The following MYOF variants were observed in gnomAD, a reference collection of about 807,000 sequenced individuals.
MYOF encodes fer-1-like 3, myoferlin.
A neutral mutation model predicts 284.2 loss-of-function variants in MYOF; 244 were observed. The ratio of observed to expected loss-of-function variants is 0.86; its 90% CI spans 0.77 to 0.95. MYOF has a LOEUF of 0.95. Ranked by LOEUF, MYOF falls within the 40% of genes least tolerant of loss-of-function variation. The pLI, the probability that MYOF is intolerant of heterozygous loss-of-function variation, is 0.00. For synonymous variants in MYOF, 904 were observed against 919.7 expected (o/e 0.98, Z 0.31); for missense variants, 2,496 against 2,560.6 (o/e 0.97, Z 0.54).
intron 38 of MYOF, among the ~76,000 whole-genome samples, chr10:93,342,711 A>G (rs369034953): frequency 3.9e-5 from 6 of 152,336 alleles, no homozygotes; most frequent in African/African-American, 1.4e-4. Flanking sequence ...GCATGTAATA[A>G]GAATTGACTG....
chr10:93,353,352 G>A lies in MYOF; in HGVS notation c.3481+459C>T, dbSNP rs1589432920. On this transcript the variant is annotated intron_variant, in intron 32 of 53. Transcript: ENST00000359263. ...ATGGTATTGGGAATGTGGGGAGCAG[G>A]CAGAGGAGGAGGTTAAAATGAACTC... Among the ~76,000 whole-genome samples the A allele has an allele frequency of 2.0e-5, 3 of 152,278 alleles. No homozygotes were observed. In the South Asian group the frequency reaches 6.2e-4, roughly 32 times the overall value.
chr10:93,391,570 G>A (rs1282090388), intron 17 of MYOF, among the ~76,000 whole-genome samples: 3 of 151,636 alleles, frequency 2.0e-5, no homozygotes, highest in African/African-American at 7.3e-5. Flanking sequence ...ACTCCAGCCT[G>A]GTTGACTGGA....
At chr10:93,332,250 T>A (rs1487572583) in intron 43 of MYOF, among the ~76,000 whole-genome samples, 1 of 148,256 alleles carries the variant, frequency 6.7e-6, no homozygotes, top group East Asian at 2.0e-4. Context: ...GGAGACGGAG[T>A]CTTGCTCTGT....
At chr10:93,411,440 C>T (rs558242887) in intron 5 of MYOF, among the ~76,000 whole-genome samples, 38 of 152,316 alleles carry the variant, frequency 2.5e-4, no homozygotes, top group African/African-American at 8.4e-4. Context: ...TAATCACCTC[C>T]CTAAAGGCCT....
At chr10:93,333,556 G>T (rs1487720463) in intron 42 of MYOF, among the ~76,000 whole-genome samples, 2 of 152,122 alleles carry the variant, frequency 1.3e-5, no homozygotes, top group African/African-American at 4.8e-5. Flanking sequence ...AAAATGAGAA[G>T]GATGAACCAG....
At chr10:93,316,583 C>G (rs547776080) in intron 50 of MYOF, 131 bp downstream of exon 50, 1 of 760,368 alleles carries the variant, frequency 1.3e-6, no homozygotes, top group African/African-American at 1.7e-5. Context: ...CTGGGTGTAT[C>G]CCCTGTCCCC....
chr10:93,344,219 G>A (rs765400357), intron 37 of MYOF, among the ~76,000 whole-genome samples: 19 of 152,212 alleles, frequency 1.2e-4, no homozygotes, highest in Non-Finnish European at 5.9e-5. Flanking sequence ...AAAAACAATT[G>A]TGTCAATACA....
In MYOF at chr10:93,369,785, TG is replaced by T. The variant is rs1406436342; in HGVS notation, c.2458-10del. 1.4e-5 allele frequency: 23 copies of T among 1,614,010 alleles called. No individual in the cohort carries two copies. Among genetic ancestry groups the T allele is most frequent in the Non-Finnish European group, 1.9e-5 (22 of 1,180,014 alleles). On this transcript the variant is annotated splice_polypyrimidine_tract_variant and intron_variant, in intron 24 of 53. Transcript: ENST00000359263. ...TTTTTCTCCTGTGGATACTGTGAGA[TG>T]AACAATAGCATGTGATGTTACATTA...
chr10:93,359,976 A>C lies in MYOF; in HGVS notation c.2977T>G (p.Trp993Gly), dbSNP rs755716005. The C allele has an allele frequency of 5.0e-6, 8 of 1,614,086 alleles. No individual in the cohort carries two copies. ...DINRAVDEKG[W>G]EYGITIPPDH... is the part of the protein sequence containing the mutation. ...GGAGGAATGGTGATTCCATATTCCC[A>C]GCCTGGAACAGAGTTTGTGAATGGT... is the stretch of plus-strand genomic sequence containing the variant. The change falls in exon 29 of 54, where the codon TGG becomes GGG. Residue 993 changes from tryptophan (W) to glycine (G), a missense_variant and splice_region_variant. By Grantham distance (184) the Trp-to-Gly change is radical. Coordinates refer to ENST00000359263, the MANE Select transcript of MYOF (RefSeq NM_013451.4).
intron 3 of MYOF, among the ~76,000 whole-genome samples, chr10:93,437,870 C>T (rs1467944325): frequency 6.6e-6 from 1 of 152,154 alleles, no homozygotes; most frequent in Non-Finnish European, 1.5e-5. Flanking sequence ...GGCAGGAGAG[C>T]CAAGGATGCT....
intron 3 of MYOF, among the ~76,000 whole-genome samples, chr10:93,437,518 A>G (rs949376727): frequency 2.0e-5 from 3 of 152,138 alleles, no homozygotes; most frequent in African/African-American, 4.8e-5. Flanking sequence ...TGAAGGAAGG[A>G]AAAAATGTGT....
At chr10:93,320,652 A>G in intron 48 of MYOF, among the ~76,000 whole-genome samples, 1 of 152,162 alleles carries the variant, frequency 6.6e-6, no homozygotes, top group East Asian at 1.9e-4. Context: ...CCTGGCACAT[A>G]GTAGACACTA....
chr10:93,416,130 T>C (rs1304242539), intron 5 of MYOF, among the ~76,000 whole-genome samples: 1 of 152,248 alleles, frequency 6.6e-6, no homozygotes, highest in Non-Finnish European at 1.5e-5. Flanking sequence ...TTTGTTCATT[T>C]AATCCTTGAA....
At chr10:93,460,545 C>T (rs954946203) in intron 1 of MYOF, among the ~76,000 whole-genome samples, 2 of 151,812 alleles carry the variant, frequency 1.3e-5, no homozygotes, top group African/African-American at 4.8e-5. Flanking sequence ...GGGTGGACTG[C>T]CTGAGCTCAG....
chr10:93,443,472 C>CTCTGTGTGTG (rs1201572994), intron 3 of MYOF, among the ~76,000 whole-genome samples: 1 of 137,236 alleles, frequency 7.3e-6, no homozygotes, highest in East Asian at 2.1e-4. Flanking sequence ...CTCTCTCTCT[C>CTCTGTGTGTG]TGTGTGTGTG....
intron 50 of MYOF, among the ~76,000 whole-genome samples, chr10:93,315,530 G>A (rs1025917179): frequency 2.0e-5 from 3 of 152,126 alleles, no homozygotes; most frequent in African/African-American, 7.2e-5. Flanking sequence ...GAGCAGGGGT[G>A]AGGTCAGGGA....
chr10:93,438,937 C>T (rs1234733121), intron 3 of MYOF, among the ~76,000 whole-genome samples: 1 of 152,150 alleles, frequency 6.6e-6, no homozygotes, highest in Non-Finnish European at 1.5e-5. Flanking sequence ...GGCTCTTTTC[C>T]TGCTCATCGA....
intron 19 of MYOF, among the ~76,000 whole-genome samples, chr10:93,383,844 G>A (rs1272850465): frequency 2.0e-5 from 3 of 152,144 alleles, no homozygotes; most frequent in African/African-American, 4.8e-5. Flanking sequence ...TCATGGGGAG[G>A]CTTGGAGGTG....
rs781279036 is a variant in MYOF, at chr10:93,309,995, CAAGGGGCCAAGG to C, written c.6147+13_6147+24del. 5.0e-6 allele frequency: 8 copies of C among 1,613,598 alleles called. No individual in the cohort carries two copies. In the South Asian group the frequency reaches 6.6e-5, roughly 13 times the overall value. Reference sequence around the variant, plus strand: ...ACTGCAACTCACAAGAAAGCCAAGACAAGGGGCCAAGGAAGGGCTCCTACCGGCAAAGAGTAG... The same window carrying C: ...ACTGCAACTCACAAGAAAGCCAAGACAAGGGCTCCTACCGGCAAAGAGTAG... On this transcript the variant is annotated intron_variant, in intron 53 of 53. Transcript: ENST00000359263.
Sources: allele counts gnomAD v4.1 joint callset (sites outside exome capture counted in the v4.1 genomes callset), GRCh38; gene constraint gnomAD v4.1.1; transcripts MANE v1.5; gene names NCBI Gene and HGNC (gene_info 2026-07-23, HGNC 2026-07-21).